Variants in ZNF573 observed in about 807,000 individuals in gnomAD.
ZNF573 encodes the protein zinc finger protein 573.
ZNF573 carries 41 observed loss-of-function variants against 57.4 expected under a neutral mutation model. The ratio of observed to expected loss-of-function variants is 0.71; its 90% CI spans 0.56 to 0.93. ZNF573 has a LOEUF of 0.93. Among genes scored for constraint, ZNF573 ranks in the 40% least tolerant of loss-of-function variants. ZNF573 has a pLI of 0.00. For synonymous variants in ZNF573, 249 were observed against 261.0 expected (o/e 0.95, Z 0.44); for missense variants, 730 against 794.8 (o/e 0.92, Z 0.98).
intron 1 of ZNF573, among the ~76,000 whole-genome samples, chr19:37,778,804 C>T (rs1193229114): frequency 6.6e-6 from 1 of 152,100 alleles, no homozygotes; most frequent in Admixed American, 6.5e-5. Flanking sequence ...ACCCTCCACG[C>T]CTTCCCTGTT....
In ZNF573 at chr19:37,739,819, C is replaced by T. The variant is rs3752365; in HGVS notation, c.671G>A (p.Gly224Glu). ...GTGTGAGGCATATATAAAGGCCTTCCCACACTGCCTACATTCATAGGTTTT... is the reference window on the plus strand; with the variant it reads ...GTGTGAGGCATATATAAAGGCCTTCTCACACTGCCTACATTCATAGGTTTT... ...GEKTYECRQC[G>E]KAFIYASHIV... Residue 224 changes from glycine to glutamate, a missense_variant, in exon 5 of 5, where the codon GGG becomes GAG. Gly to Glu is a moderately conservative substitution (Grantham distance 98). Coordinates refer to ENST00000536220, the MANE Select transcript of ZNF573 (RefSeq NM_001172690.2). 1.9e-6 allele frequency: 3 copies of T among 1,613,946 alleles called. No homozygotes were observed. The Admixed American group carries it at 5.0e-5, about 27-fold the overall frequency.
At chr19:37,743,412 A>G (rs377657316) in intron 4 of ZNF573, among the ~76,000 whole-genome samples, 1 of 152,138 alleles carries the variant, frequency 6.6e-6, no homozygotes, top group African/African-American at 2.4e-5. Flanking sequence ...AGATCATCAG[A>G]GAAATGCAAA....
chr19:37,775,077 T>A (rs1178122635), intron 1 of ZNF573, among the ~76,000 whole-genome samples: 3 of 151,026 alleles, frequency 2.0e-5, no homozygotes, highest in African/African-American at 7.3e-5. Flanking sequence ...AGTACAGTGG[T>A]GTGATCATAG....
chr19:37,746,730 C>G (rs538677831), intron 4 of ZNF573, among the ~76,000 whole-genome samples: 1 of 152,080 alleles, frequency 6.6e-6, no homozygotes, highest in Non-Finnish European at 1.5e-5. Flanking sequence ...TGTACAGACC[C>G]GCGCCTCCAC....
chr19:37,761,029 C>A (rs904488787), intron 4 of ZNF573, among the ~76,000 whole-genome samples: 7 of 151,882 alleles, frequency 4.6e-5, no homozygotes, highest in Non-Finnish European at 7.4e-5. Flanking sequence ...GAAAACCCAT[C>A]TCTACAAAAA....
intron 4 of ZNF573, among the ~76,000 whole-genome samples, chr19:37,756,175 G>C (rs980388084): frequency 3.9e-5 from 6 of 152,162 alleles, no homozygotes; most frequent in Non-Finnish European, 7.4e-5. Context: ...GATCAATGTC[G>C]GCCTACCAAC....
chr19:37,748,388 A>G (rs577072198), intron 4 of ZNF573, among the ~76,000 whole-genome samples: 44 of 152,246 alleles, frequency 2.9e-4, no homozygotes, highest in Non-Finnish European at 6.0e-4. Flanking sequence ...CTAAAGTTAA[A>G]AAGTTATTTT....
At position 37,738,922 on chromosome 19, in the gene ZNF573, A is replaced by G. The variant is rs1243175703; in HGVS notation, c.1568T>C (p.Met523Thr). 1.9e-6 allele frequency: 3 copies of G among 1,611,106 alleles called. No individual in the cohort carries two copies. The highest frequency in any genetic ancestry group is 2.5e-6 in the Non-Finnish European group (3 of 1,177,698). ...ACATACCTTACATTCATAGGGTTTC[A>G]TACCAGTATGAATTTTCTGATGTTG... Reference protein sequence around the residue: ...LNQHQKIHTGMKPYECKVCRK... With the variant: ...LNQHQKIHTGTKPYECKVCRK... Residue 523 changes from methionine (M) to threonine (T), a missense_variant, in exon 5 of 5, where the codon ATG (methionine) becomes ACG (threonine). Physicochemically the swap from Met to Thr is moderately conservative, Grantham distance 81. Coordinates refer to ENST00000536220, the MANE Select transcript of ZNF573 (RefSeq NM_001172690.2).
intron 1 of ZNF573, among the ~76,000 whole-genome samples, chr19:37,775,862 C>G (rs1418236027): frequency 7.5e-6 from 1 of 134,092 alleles, no homozygotes; most frequent in South Asian, 2.4e-4. Context: ...AAAAAAACCA[C>G]AAAAGAAAAC....
intron 4 of ZNF573, among the ~76,000 whole-genome samples, chr19:37,754,801 T>C (rs972974906): frequency 6.6e-6 from 1 of 151,944 alleles, no homozygotes; most frequent in African/African-American, 2.4e-5. Flanking sequence ...TGGCACTCCA[T>C]AATATTAAAC....
At chr19:37,766,038 C>T (rs113909784) in intron 4 of ZNF573, among the ~76,000 whole-genome samples, 1 of 150,862 alleles carries the variant, frequency 6.6e-6, no homozygotes, top group East Asian at 1.9e-4. Flanking sequence ...AAAACTCCAT[C>T]TCAAAAAAAA....
chr19:37,740,083 C>T lies in ZNF573; in HGVS notation c.407G>A (p.Cys136Tyr). 1 of 1,614,048 alleles carries T rather than the reference C, an allele frequency of 6.2e-7. No homozygotes were observed. Among genetic ancestry groups the T allele is most frequent in the Non-Finnish European group, 8.5e-7 (1 of 1,179,960 alleles). ...ACTAAATTTCTTCTGACATTTCTTA[C>T]ATTCATAGAGTTTCTCTCTCTTATA... The part of the protein sequence containing the change: ...SIYKREKLYE[C>Y]KKCQKKFSSG... The change falls in exon 5 of 5, where the codon TGT (cysteine) becomes TAT (tyrosine). Residue 136 changes from cysteine to tyrosine, a missense_variant. Cys to Tyr is a radical substitution (Grantham distance 194). Transcript: ENST00000536220.
At chr19:37,759,660 G>A (rs1392157572) in intron 4 of ZNF573, among the ~76,000 whole-genome samples, 4 of 152,008 alleles carry the variant, frequency 2.6e-5, no homozygotes, top group Admixed American at 6.6e-5. Context: ...CCCGGGAGGC[G>A]GAGCTTGCAG....
intron 4 of ZNF573, among the ~76,000 whole-genome samples, chr19:37,741,750 C>G (rs1470470608): frequency 6.6e-6 from 1 of 152,146 alleles, no homozygotes; most frequent in Non-Finnish European, 1.5e-5. Context: ...GAAGCATTCC[C>G]TTTGAAAACC....
intron 1 of ZNF573, among the ~76,000 whole-genome samples, chr19:37,777,760 T>C (rs1196374931): frequency 7.6e-6 from 1 of 131,820 alleles, no homozygotes; most frequent in East Asian, 2.2e-4. Flanking sequence ...AAAAAGCCGG[T>C]CGTGGTGGCT....
At chr19:37,765,279 T>C (rs2045591551) in intron 4 of ZNF573, among the ~76,000 whole-genome samples, 1 of 152,202 alleles carries the variant, frequency 6.6e-6, no homozygotes, top group South Asian at 2.1e-4. Flanking sequence ...GGCTAGACTG[T>C]GGCCTTAAAA....
At chr19:37,743,088 G>A (rs952175909) in intron 4 of ZNF573, among the ~76,000 whole-genome samples, 2 of 152,140 alleles carry the variant, frequency 1.3e-5, no homozygotes, top group Non-Finnish European at 2.9e-5. Flanking sequence ...GGAGGCCAAG[G>A]CGGGTGGATC....
chr19:37,755,229 A>G (rs2045476889), intron 4 of ZNF573: 2 of 152,260 alleles, frequency 1.3e-5, no homozygotes, highest in Admixed American at 1.3e-4. Context: ...CGGCCTCCCA[A>G]AGTGCTGGGA....
intron 4 of ZNF573, among the ~76,000 whole-genome samples, chr19:37,762,091 C>A (rs373758531): frequency 6.6e-6 from 1 of 152,146 alleles, no homozygotes; most frequent in Non-Finnish European, 1.5e-5. Flanking sequence ...TCATGTGATA[C>A]AATGGGAAGA....
Sources: gnomAD v4.1 joint callset for allele counts (sites outside exome capture counted in the v4.1 genomes callset) on GRCh38, gnomAD v4.1.1 for gene constraint, MANE v1.5 for transcripts, NCBI Gene and HGNC (gene_info 2026-07-23, HGNC 2026-07-21) for gene names.